Variants in RCN3 observed in about 807,000 individuals in gnomAD.
The protein encoded by RCN3 is reticulocalbin-3.
In RCN3, 41 loss-of-function variants were observed where a neutral mutation model predicts 35.9. That is an observed-to-expected ratio of 1.14 (90% CI 0.89 to 1.48). The LOEUF is 1.48. Among genes scored for constraint, RCN3 ranks in the 40% most tolerant of loss-of-function variants. The pLI, the probability that RCN3 is intolerant of heterozygous loss-of-function variation, is 0.00. For synonymous variants in RCN3, 187 were observed against 193.4 expected, an observed-to-expected ratio of 0.97 and a Z score of 0.27; for missense variants, 451 against 471.3, an observed-to-expected ratio of 0.96 and a Z score of 0.40.
At chr19:49,530,958 A>C (rs1458402142) in intron 2 of RCN3, among the ~76,000 whole-genome samples, 1 of 152,158 alleles carries the variant, frequency 6.6e-6, no homozygotes, top group Admixed American at 6.6e-5. Context: ...TCAGAGCAAC[A>C]GTTCTGAGGC....
chr19:49,530,153 T>A (rs940141120), intron 2 of RCN3, among the ~76,000 whole-genome samples: 1 of 151,624 alleles, frequency 6.6e-6, no homozygotes, highest in Non-Finnish European at 1.5e-5. Flanking sequence ...CCAGCAAAGT[T>A]TTTTTTCTTT....
intron 2 of RCN3, among the ~76,000 whole-genome samples, chr19:49,531,516 G>C (rs1601207786): frequency 6.6e-6 from 1 of 152,192 alleles, no homozygotes; most frequent in East Asian, 1.9e-4. Flanking sequence ...CTTAGGTTTT[G>C]AGAGAATCCT....
At chr19:49,542,820 G>GT in intron 6 of RCN3, 68 bp downstream of exon 6, 1 of 1,415,052 alleles carries the variant, frequency 7.1e-7, no homozygotes, top group Admixed American at 2.2e-5. Context: ...CCAGAAAGGA[G>GT]CAAGACCTGG....
chr19:49,534,641 T>G (rs1601211708), intron 3 of RCN3, among the ~76,000 whole-genome samples: 1 of 152,096 alleles, frequency 6.6e-6, no homozygotes, highest in Non-Finnish European at 1.5e-5. Context: ...TTTTCAAACA[T>G]GAAGTCACAA....
intron 2 of RCN3, among the ~76,000 whole-genome samples, chr19:49,532,002 C>T (rs546724778): frequency 1.3e-5 from 2 of 150,688 alleles, no homozygotes; most frequent in South Asian, 2.1e-4. Context: ...GGGGTTTCGC[C>T]GTGTTAGCCA....
In RCN3 at chr19:49,534,349, G is replaced by A. The variant is rs2080124534; in HGVS notation, c.399G>A (p.Val133=). ...ACGACACGGACCGCGACGGGCGTGT[G>A]GGTTGGGAGGAGCTGCGCAACGCCA... ...DTYDTDRDGR[V]GWEELRNATY... The change falls in exon 3 of 7, where the codon GTG becomes GTA. Residue 133 remains valine, a synonymous_variant. Coordinates refer to ENST00000270645, the MANE Select transcript of RCN3 (RefSeq NM_020650.3). 1 of 1,533,200 alleles carries A rather than the reference G, an allele frequency of 6.5e-7. No homozygotes were observed. The allele number at this position is 1,533,200 out of a possible 1,614,324, so 95.0% of individuals were successfully genotyped here. A position where few individuals can be genotyped will look rare whatever the true frequency, so the allele number is the denominator to read the frequency against.
At chr19:49,530,565 C>T (rs1267849331) in intron 2 of RCN3, among the ~76,000 whole-genome samples, 2 of 147,522 alleles carry the variant, frequency 1.4e-5, no homozygotes, top group African/African-American at 2.5e-5. Flanking sequence ...GGCGCAATCT[C>T]GGCTCACCAC....
chr19:49,536,121 G>A (rs1436890438), intron 3 of RCN3, among the ~76,000 whole-genome samples: 1 of 149,540 alleles, frequency 6.7e-6, no homozygotes, highest in Non-Finnish European at 1.5e-5. Context: ...CAAGTAGCTG[G>A]GATTACAGGC....
rs911300140 is a variant in RCN3 at position 49,534,107 on chromosome 19, G to A, written c.243-86G>A. 6.3e-6 allele frequency: 8 copies of A among 1,266,590 alleles called. No homozygotes were observed. In the African/African-American group the frequency reaches 9.7e-5, roughly 15 times the overall value. 78.5% of individuals were successfully genotyped at this position (1,266,590 alleles called of 1,614,324 possible). On this transcript the variant is annotated intron_variant, in intron 2 of 6. Coordinates refer to ENST00000270645, the MANE Select transcript of RCN3 (RefSeq NM_020650.3). Reference sequence around the variant, plus strand: ...GGACTGTATTTTCAGCCCCGGATCCGAAGTGTCCCAGGGGGCGTGGCCCGT... The same window carrying A: ...GGACTGTATTTTCAGCCCCGGATCCAAAGTGTCCCAGGGGGCGTGGCCCGT...
intron 2 of RCN3, among the ~76,000 whole-genome samples, chr19:49,532,050 C>T (rs1467641685): frequency 2.0e-5 from 3 of 150,740 alleles, no homozygotes; most frequent in African/African-American, 7.3e-5. Flanking sequence ...ATCCACCCAC[C>T]TCGGCCTCCC....
rs1601217625 is a variant in RCN3 at position 49,539,235 on chromosome 19, G to C, written c.679+56G>C. The C allele has an allele frequency of 3.5e-6, 5 of 1,422,446 alleles. No homozygotes were observed. In the East Asian group the frequency reaches 1.2e-4, roughly 33 times the overall value. The allele number at this position is 1,422,446 out of a possible 1,614,324, so 88.1% of individuals were successfully genotyped here. A position where few individuals can be genotyped will look rare whatever the true frequency, so the allele number is the denominator to read the frequency against. On this transcript the variant is annotated intron_variant, in intron 5 of 6. Transcript: ENST00000270645. ...CCTGTCCTCTCTCAGGCATGGGCAG[G>C]GTTGGTGGGGGTAGCCGGAGGTACA...
rs199561852 is a variant in RCN3, at chr19:49,537,205, T to A, written c.618T>A (p.Ala206=). The change falls in exon 4 of 7, where the codon GCT becomes GCA. Residue 206 remains alanine, a splice_region_variant and synonymous_variant. Coordinates refer to ENST00000270645, the MANE Select transcript of RCN3 (RefSeq NM_020650.3). ...CTCACATGCGGGACATCGTGATTGC[T>A]GTGAGTGGCGGCTGGGGAACCCTGT... The part of the protein sequence containing the change: ...EFPHMRDIVI[A]ETLEDLDRNK... The A allele has an allele frequency of 6.6e-7, 1 of 1,505,492 alleles. No homozygotes were observed. Among genetic ancestry groups the A allele is most frequent in the African/African-American group, 1.4e-5 (1 of 70,264 alleles). 93.3% of individuals were successfully genotyped at this position (1,505,492 alleles called of 1,614,324 possible).
intron 5 of RCN3, 102 bp from the exon 6 acceptor site, chr19:49,542,451 T>C: frequency 1.3e-6 from 1 of 792,046 alleles, no homozygotes; most frequent in East Asian, 2.7e-5. Flanking sequence ...AGTGAGTTGC[T>C]CAAGGGCCTG....
intron 2 of RCN3, among the ~76,000 whole-genome samples, chr19:49,530,497 CT>C (rs1220087922): frequency 9.7e-4 from 124 of 128,292 alleles, no homozygotes; most frequent in African/African-American, 1.3e-3. Context: ...TCTTTTTTTT[CT>C]TTTTTTTTTT....
Position 49,542,762 on chromosome 19 carries a change from C to T in RCN3, c.879+10C>T, listed in dbSNP as rs368175527. 5.3e-4 allele frequency: 827 copies of T among 1,572,146 alleles called. No homozygotes were observed. The highest frequency in any genetic ancestry group is 6.7e-4 in the Non-Finnish European group (778 of 1,158,724). Reference sequence around the variant, plus strand: ...GAGCGACACGGACAAGGTGCAGTGACGGGGCCTCGGCAGGAGCGAGGAGCG... The same window carrying T: ...GAGCGACACGGACAAGGTGCAGTGATGGGGCCTCGGCAGGAGCGAGGAGCG... On this transcript the variant is annotated intron_variant, in intron 6 of 6. Transcript: ENST00000270645.
chr19:49,543,056 TTTG>T, intron 6 of RCN3, 47 bp from the exon 7 acceptor site: 1 of 1,497,708 alleles, frequency 6.7e-7, no homozygotes, highest in Non-Finnish European at 9.3e-7. Flanking sequence ...AGGGAGGGCT[TTTG>T]AAAGCAGGGC....
rs376990460 is a variant in RCN3, at chr19:49,542,553, C to T, written c.680C>T (p.Ala227Val). Residue 227 changes from alanine (A) to valine (V), a missense_variant and splice_region_variant, in exon 6 of 7, where the codon GCG (alanine) becomes GTG (valine). Ala to Val is a moderately conservative substitution (Grantham distance 64, BLOSUM62 0). Transcript: ENST00000270645. ...DGYVQVEEYIADLYSAEPGEE... is the reference protein window; with the variant it reads ...DGYVQVEEYIVDLYSAEPGEE... The stretch of plus-strand genomic sequence containing the variant: ...TTGTCCCCTCTGTCCCGGCCCCCAG[C>T]GGATCTGTACTCAGCCGAGCCTGGG... 19 of 1,588,820 alleles carry T rather than the reference C, an allele frequency of 1.2e-5. No individual in the cohort carries two copies. The highest frequency in any genetic ancestry group is 1.1e-4 in the South Asian group (10 of 87,172).
chr19:49,530,837 T>G (rs1034516860), intron 2 of RCN3, among the ~76,000 whole-genome samples: 2 of 152,048 alleles, frequency 1.3e-5, no homozygotes, highest in Non-Finnish European at 2.9e-5. Flanking sequence ...AAGGCCTCCA[T>G]GAGAAGGTGG....
At chr19:49,533,140 T>G (rs1317733337) in intron 2 of RCN3, among the ~76,000 whole-genome samples, 1 of 152,100 alleles carries the variant, frequency 6.6e-6, no homozygotes, top group African/African-American at 2.4e-5. Context: ...GTGGCTGGAT[T>G]TGGACCTAAA....
Sources: allele counts gnomAD v4.1 joint callset (sites outside exome capture counted in the v4.1 genomes callset), GRCh38; gene constraint gnomAD v4.1.1; transcripts MANE v1.5; gene names NCBI Gene and HGNC (gene_info 2026-07-23, HGNC 2026-07-21).